CACNB2: variants seen among roughly 807,000 people sequenced by gnomAD.
CACNB2 encodes the protein calcium voltage-gated channel auxiliary subunit beta 2, also known as voltage-dependent L-type calcium channel subunit beta-2.
In CACNB2, 42 loss-of-function variants were observed where a neutral mutation model predicts 73.3. The observed-to-expected ratio is 0.57, with a 90% CI of 0.45 to 0.74. The LOEUF is 0.74. CACNB2 is among the 30% of genes least tolerant of loss of function. The probability of loss-of-function intolerance (pLI) is 0.00; values close to 1 mark genes in which losing one functional copy is unlikely to be tolerated. For synonymous variants in CACNB2, 348 were observed against 310.3 expected, an observed-to-expected ratio of 1.12 and a Z score of -1.28; for missense variants, 940 against 853.0, an observed-to-expected ratio of 1.10 and a Z score of -1.27.
Position 18,150,896 on chromosome 10 carries a change from G to A in CACNB2, c.134G>A (p.Gly45Glu). The A allele has an allele frequency of 1.0e-6, 1 of 987,228 alleles. No homozygotes were observed. The highest frequency in any genetic ancestry group is 1.4e-6 in the Non-Finnish European group (1 of 702,750). The allele number at this position is 987,228 out of a possible 1,614,324, so 61.2% of individuals were successfully genotyped here. A position where few individuals can be genotyped will look rare whatever the true frequency, so the allele number is the denominator to read the frequency against. ...TTTTTTTTTTAGTCATATGGAAAAG[G>A]AGCCAGAAGGAAAAACAGATTTAAA... ...LGAAAQSYGK[G>E]ARRKNRFKGS... Residue 45 changes from glycine (G) to glutamate (E), a missense_variant, in exon 2 of 14, where the codon GGA (glycine) becomes GAA (glutamate). By Grantham distance (98) the Gly-to-Glu change is moderately conservative (BLOSUM62 -2). Transcript: ENST00000324631.
intron 3 of CACNB2, among the ~76,000 whole-genome samples, chr10:18,414,019 A>G (rs2044787957): frequency 1.3e-5 from 2 of 152,232 alleles, no homozygotes; most frequent in Admixed American, 1.3e-4. Context: ...CATGGTCACT[A>G]TCAGCTTAGT....
intron 8 of CACNB2, among the ~76,000 whole-genome samples, 159 bp downstream of exon 8, chr10:18,518,575 G>A (rs1017422051): frequency 9.2e-5 from 14 of 152,198 alleles, no homozygotes; most frequent in African/African-American, 3.4e-4. Context: ...CTGCAAACTG[G>A]TATACACTGC....
intron 2 of CACNB2, among the ~76,000 whole-genome samples, chr10:18,329,073 C>T (rs143639885): frequency 3.3e-4 from 50 of 152,260 alleles, no homozygotes; most frequent in African/African-American, 9.6e-4. Flanking sequence ...ATTATTTTCT[C>T]GTTTTCGTTT....
At chr10:18,497,868 C>A (rs11816303) in intron 3 of CACNB2, among the ~76,000 whole-genome samples, 5,192 of 152,212 alleles carry the variant, frequency 0.034, 282 homozygotes, top group African/African-American at 0.12. Context: ...ATGAGAGTTG[C>A]TATAGTTGTA....
intron 2 of CACNB2, among the ~76,000 whole-genome samples, chr10:18,191,829 C>T (rs995344110): frequency 3.3e-5 from 5 of 152,122 alleles, no homozygotes; most frequent in African/African-American, 1.2e-4. Flanking sequence ...TTTTTTTATG[C>T]ACTCATTGAT....
At chr10:18,346,008 A>G (rs2041436006) in intron 2 of CACNB2, among the ~76,000 whole-genome samples, 1 of 152,194 alleles carries the variant, frequency 6.6e-6, no homozygotes, top group Non-Finnish European at 1.5e-5. Context: ...CCAACATATC[A>G]TCACATTTCT....
chr10:18,530,302 C>G (rs1220232430), intron 10 of CACNB2, among the ~76,000 whole-genome samples: 2 of 151,756 alleles, frequency 1.3e-5, no homozygotes, highest in Non-Finnish European at 2.9e-5. Flanking sequence ...ATTTTGGTGC[C>G]CAGGGACACA....
chr10:18,203,426 T>C (rs2034965634), intron 2 of CACNB2, among the ~76,000 whole-genome samples: 1 of 152,228 alleles, frequency 6.6e-6, no homozygotes, highest in Non-Finnish European at 1.5e-5. Flanking sequence ...TTGTCCTTTG[T>C]ATCCTTTGGG....
At chr10:18,478,190 C>G (rs543997589) in intron 3 of CACNB2, among the ~76,000 whole-genome samples, 2 of 152,136 alleles carry the variant, frequency 1.3e-5, no homozygotes, top group Non-Finnish European at 2.9e-5. Flanking sequence ...CCTCAGCCTC[C>G]GAAGGTGCTG....
intron 3 of CACNB2, among the ~76,000 whole-genome samples, chr10:18,487,055 T>C (rs1322132299): frequency 6.6e-6 from 1 of 152,214 alleles, no homozygotes; most frequent in Admixed American, 6.5e-5. Flanking sequence ...GAAGGCGCTG[T>C]CTGCTTTACA....
chr10:18,166,320 A>G (rs1443022398), intron 2 of CACNB2, among the ~76,000 whole-genome samples: 5 of 152,128 alleles, frequency 3.3e-5, no homozygotes, highest in East Asian at 1.9e-4. Context: ...CAGTGGCACA[A>G]TCTTGGCACA....
At chr10:18,254,806 T>G (rs146566653) in intron 2 of CACNB2, among the ~76,000 whole-genome samples, 160 of 152,328 alleles carry the variant, frequency 1.1e-3, no homozygotes, top group African/African-American at 3.5e-3. Context: ...AACAAAGGTT[T>G]ATCACAGATC....
chr10:18,476,145 T>C (rs941643305), intron 3 of CACNB2, among the ~76,000 whole-genome samples: 1 of 152,180 alleles, frequency 6.6e-6, no homozygotes, highest in African/African-American at 2.4e-5. Flanking sequence ...AACTGAGGGT[T>C]CCTCCCCCTT....
intron 2 of CACNB2, among the ~76,000 whole-genome samples, chr10:18,360,662 G>A (rs60934136): frequency 2.3e-3 from 357 of 152,328 alleles, no homozygotes; most frequent in African/African-American, 8.2e-3. Context: ...TGGCAGCTTT[G>A]ATCACGGGGC....
rs1440883893 is a variant in CACNB2 at position 18,541,201 on chromosome 10, A to ACTGT, written c.*1483_*1486dup. On this transcript the variant is annotated 3_prime_UTR_variant, in exon 14 of 14. Transcript: ENST00000324631. ...CCCCACCACCGACTCCAGCAGGTTC[A>ACTGT]CTGTCTGTCAGAACCCAGAAGTGCT... 1 of 152,744 alleles carries ACTGT rather than the reference A, an allele frequency of 6.5e-6. No homozygotes were observed. The highest frequency in any genetic ancestry group is 1.9e-4 in the East Asian group (1 of 5,198). 9.5% of individuals were successfully genotyped at this position (152,744 alleles called of 1,614,324 possible).
chr10:18,219,688 A>C (rs993163034), intron 2 of CACNB2, among the ~76,000 whole-genome samples: 1 of 151,952 alleles, frequency 6.6e-6, no homozygotes, highest in Non-Finnish European at 1.5e-5. Context: ...CATTTTTTAC[A>C]CTTATAATTC....
chr10:18,404,021 G>C (rs1410933053), intron 3 of CACNB2, among the ~76,000 whole-genome samples: 2 of 152,094 alleles, frequency 1.3e-5, no homozygotes, highest in Middle Eastern at 3.2e-3. Flanking sequence ...TGCTTGAGGG[G>C]ATAGATGCCC....
At chr10:18,443,838 C>G (rs1017753703) in intron 3 of CACNB2, among the ~76,000 whole-genome samples, 2 of 152,036 alleles carry the variant, frequency 1.3e-5, no homozygotes, top group Non-Finnish European at 2.9e-5. Context: ...CCTCAGCCTC[C>G]CAAGTAGCTG....
chr10:18,441,002 T>C (rs749232574), intron 3 of CACNB2, among the ~76,000 whole-genome samples: 1 of 152,186 alleles, frequency 6.6e-6, no homozygotes, highest in African/African-American at 2.4e-5. Context: ...AAAACACTGA[T>C]TGCTTTGTGG....
Sources: gnomAD v4.1 joint callset for allele counts (sites outside exome capture counted in the v4.1 genomes callset) on GRCh38, gnomAD v4.1.1 for gene constraint, MANE v1.5 for transcripts, NCBI Gene and HGNC (gene_info 2026-07-23, HGNC 2026-07-21) for gene names.